DAB2IP: variants seen among roughly 807,000 people sequenced by gnomAD.
DAB2IP encodes DAB2 interacting protein, also known as disabled homolog 2-interacting protein.
A neutral mutation model predicts 107.2 loss-of-function variants in DAB2IP; 28 were observed. The observed-to-expected ratio is 0.26, with a 90% CI of 0.19 to 0.36. DAB2IP has a LOEUF of 0.36. Ranked by LOEUF, DAB2IP falls within the 10% of genes least tolerant of loss-of-function variation. The probability of loss-of-function intolerance (pLI) is 1.00; values close to 1 mark genes in which losing one functional copy is unlikely to be tolerated. For missense variants in DAB2IP, 1,400 were observed against 1,644.7 expected (o/e 0.85, Z 2.57); for synonymous variants, 755 against 706.4 (o/e 1.07, Z -1.09).
intron 1 of DAB2IP, among the ~76,000 whole-genome samples, chr9:121,631,466 A>G (rs1406282821): frequency 6.6e-6 from 1 of 152,162 alleles, no homozygotes; most frequent in Non-Finnish European, 1.5e-5. Flanking sequence ...GCAGGGTTCA[A>G]CTGGAGGGTA....
intron 1 of DAB2IP, among the ~76,000 whole-genome samples, chr9:121,673,283 G>C (rs1833755695): frequency 6.6e-6 from 1 of 152,166 alleles, no homozygotes; most frequent in African/African-American, 2.4e-5. Flanking sequence ...TGTGGGTTTG[G>C]GGGCAGTTTA....
chr9:121,722,090 G>A (rs1307996737), intron 3 of DAB2IP, among the ~76,000 whole-genome samples: 5 of 152,206 alleles, frequency 3.3e-5, no homozygotes, highest in Admixed American at 3.3e-4. Flanking sequence ...AGGAAGAAGG[G>A]TCATGAGTAT....
rs1402832193 is a variant in DAB2IP, at chr9:121,736,617, G to A, written c.363-20396G>A. 6.6e-6 allele frequency among the ~76,000 whole-genome samples: 1 copy of A among 152,200 alleles called. No homozygotes were observed. Among genetic ancestry groups the A allele is most frequent in the Non-Finnish European group, 1.5e-5 (1 of 68,020 alleles). On this transcript the variant is annotated intron_variant, in intron 3 of 15. Coordinates refer to ENST00000408936, the Ensembl canonical transcript of DAB2IP. This position sits in a 1 kb window ranked among gnomAD's most constrained non-coding sequence, Gnocchi z 4.6. ...TTCCGGGCTGGAGAGGGTTTGGGGC[G>A]TGGCGCAGCCCGACGTTAGTCCGGA...
At chr9:121,611,787 G>T (rs925512889) in intron 1 of DAB2IP, among the ~76,000 whole-genome samples, 1 of 151,982 alleles carries the variant, frequency 6.6e-6, no homozygotes, top group Non-Finnish European at 1.5e-5. Flanking sequence ...GTTTCACCAT[G>T]TTTGCCAGGG....
chr9:121,663,113 G>C (rs1210177733), intron 1 of DAB2IP, among the ~76,000 whole-genome samples: 1 of 152,202 alleles, frequency 6.6e-6, no homozygotes, highest in African/African-American at 2.4e-5. Context: ...CTTTGGAAGT[G>C]AGGCGTGTCT....
Position 121,782,487 on chromosome 9 carries a change from A to G in DAB2IP, c.3559A>G (p.Ser1187Gly), listed in dbSNP as rs773052471. 8 of 1,613,862 alleles carry G rather than the reference A, an allele frequency of 5.0e-6. 1 individual carries two copies. In the South Asian group the frequency reaches 8.8e-5, roughly 18 times the overall value. Residue 1187 changes from serine to glycine, a missense_variant, in exon 16 of 16, where the codon AGC becomes GGC. Transcript: ENST00000408936. The surrounding 1 kb of genome is among the most constrained non-coding windows in gnomAD (Gnocchi z 6.1). ...TGAGAACGGCGAGTTCAGAAACAGC[A>G]GCAATTGTTAACCTGCCTGAGGAGG...
chr9:121,601,681 T>C (rs1182509916), intron 1 of DAB2IP, among the ~76,000 whole-genome samples: 1 of 152,188 alleles, frequency 6.6e-6, no homozygotes, highest in African/African-American at 2.4e-5. Context: ...ACATATTATT[T>C]TCTTGCACCC....
chr9:121,699,353 C>T lies in DAB2IP; in HGVS notation c.257C>T (p.Ser86Phe), dbSNP rs1829632353. Reference sequence around the variant, plus strand: ...TTCCTCAGCCGCCGCCTCAAGGGCTCCATCAAGCGCACCAAGAGCCAGCCC... The same window carrying T: ...TTCCTCAGCCGCCGCCTCAAGGGCTTCATCAAGCGCACCAAGAGCCAGCCC... The change falls in exon 3 of 16, where the codon TCC (serine) becomes TTC (phenylalanine). Residue 86 changes from serine to phenylalanine, a missense_variant. This residue lies in a region of DAB2IP where 283 missense variants were observed against 237.0 expected (regional missense o/e 1.19). Coordinates refer to ENST00000408936, the Ensembl canonical transcript of DAB2IP. The surrounding 1 kb of genome is among the most constrained non-coding windows in gnomAD (Gnocchi z 6.2). 5 of 1,474,682 alleles carry T rather than the reference C, an allele frequency of 3.4e-6. No individual in the cohort carries two copies. Among genetic ancestry groups the T allele is most frequent in the Non-Finnish European group, 4.5e-6 (5 of 1,102,358 alleles). 91.3% of individuals were successfully genotyped at this position (1,474,682 alleles called of 1,614,324 possible).
chr9:121,586,253 C>T (rs12378783), intron 1 of DAB2IP, among the ~76,000 whole-genome samples: 35,434 of 152,212 alleles, frequency 0.23, 4,984 homozygotes, highest in East Asian at 0.37. Flanking sequence ...TTACCGAACA[C>T]AGCCATGAAT....
chr9:121,661,357 G>A lies in DAB2IP; in HGVS notation c.124+9458G>A, dbSNP rs145629069. Reference sequence around the variant, plus strand: ...TCCCATTAACTGTCAATACAGTCATGGTTCCACCTGGTATCTAGAAACCTG... The same window carrying A: ...TCCCATTAACTGTCAATACAGTCATAGTTCCACCTGGTATCTAGAAACCTG... On this transcript the variant is annotated intron_variant, in intron 1 of 15. Coordinates refer to ENST00000408936, the Ensembl canonical transcript of DAB2IP. 5.6e-3 allele frequency among the ~76,000 whole-genome samples: 852 copies of A among 152,204 alleles called. 9 individuals are homozygous for A. Among genetic ancestry groups the A allele is most frequent in the African/African-American group, 0.02 (811 of 41,512 alleles).
intron 3 of DAB2IP, among the ~76,000 whole-genome samples, chr9:121,711,575 T>G (rs1830337781): frequency 6.6e-6 from 1 of 152,244 alleles, no homozygotes; most frequent in Admixed American, 6.5e-5. Context: ...AACATTCTTT[T>G]GAGGTGTTAT....
At chr9:121,695,038 C>T in intron 2 of DAB2IP, among the ~76,000 whole-genome samples, 1 of 152,172 alleles carries the variant, frequency 6.6e-6, no homozygotes, top group East Asian at 1.9e-4. Flanking sequence ...GACATCAGTC[C>T]TTGCTCCAGT....
intron 1 of DAB2IP, among the ~76,000 whole-genome samples, chr9:121,659,149 G>C (rs567840785): frequency 2.6e-5 from 4 of 152,248 alleles, no homozygotes; most frequent in Admixed American, 6.5e-5. Flanking sequence ...GGAGAGAGGG[G>C]AGAAGAGGAG....
At chr9:121,624,929 GGCTGCGAGAAGAGCAC>G (rs1726862257) in intron 1 of DAB2IP, among the ~76,000 whole-genome samples, 1 of 152,164 alleles carries the variant, frequency 6.6e-6, no homozygotes, top group African/African-American at 2.4e-5. Context: ...GGATTTAGGG[GGCTGCGAGAAGAGCAC>G]GCTGCTATAA....
chr9:121,642,023 CTCTCTCT>C (rs1832352789), intron 1 of DAB2IP, among the ~76,000 whole-genome samples: 1 of 34,250 alleles, frequency 2.9e-5, no homozygotes, highest in Non-Finnish European at 5.2e-5. Context: ...CTCTCTCTCT[CTCTCTCT>C]CTTTCTTTCT....
At chr9:121,768,749 C>A in intron 10 of DAB2IP, 116 bp downstream of exon 10, 1 of 1,268,514 alleles carries the variant, frequency 7.9e-7, no homozygotes, top group Non-Finnish European at 1.1e-6. Flanking sequence ...ATGATCAGGC[C>A]AGGTCCTGTC....
At chr9:121,766,753 G>A in intron 9 of DAB2IP, 23 bp downstream of exon 9, 2 of 1,611,348 alleles carry the variant, frequency 1.2e-6, no homozygotes, top group Non-Finnish European at 1.7e-6. Context: ...TCCCTCACCA[G>A]GCAGAGTTGG....
intron 1 of DAB2IP, among the ~76,000 whole-genome samples, chr9:121,630,792 G>C (rs1415965087): frequency 2.0e-5 from 3 of 151,990 alleles, no homozygotes; most frequent in Non-Finnish European, 4.4e-5. Flanking sequence ...ATTTTTAGTA[G>C]AGACAGGGTT....
chr9:121,772,644 G>A lies in DAB2IP; in HGVS notation c.2116G>A (p.Glu706Lys), dbSNP rs777618738. The stretch of plus-strand genomic sequence containing the variant: ...CACCCGGTTACCGTCTCCAACCCCC[G>A]AAAACAAGGACTTGTTTTTTGTCAC... The change falls in exon 12 of 16, where the codon GAA becomes AAA. Residue 706 changes from glutamate to lysine, a missense_variant. Glu to Lys is a moderately conservative substitution (Grantham distance 56, BLOSUM62 1). Transcript: ENST00000408936. This position sits in a 1 kb window ranked among gnomAD's most constrained non-coding sequence, Gnocchi z 4.7. 16 of 1,613,802 alleles carry A rather than the reference G, an allele frequency of 9.9e-6. No individual in the cohort carries two copies. The highest frequency in any genetic ancestry group is 2.2e-5 in the East Asian group (1 of 44,866).
Sources: allele counts gnomAD v4.1 joint callset (sites outside exome capture counted in the v4.1 genomes callset), GRCh38; gene constraint gnomAD v4.1.1; regional missense constraint gnomAD v4.1.1; non-coding constraint Gnocchi (gnomAD v3.1); transcripts MANE v1.5; gene names NCBI Gene and HGNC (gene_info 2026-07-23, HGNC 2026-07-21).